RGS6: variants seen among roughly 807,000 people sequenced by gnomAD.
RGS6 encodes the protein regulator of G-protein signaling 6.
In RGS6, 30 loss-of-function variants were observed where a neutral mutation model predicts 78.5. The observed-to-expected ratio is 0.38, with a 90% CI of 0.29 to 0.52. The LOEUF (loss-of-function observed/expected upper bound fraction) is 0.52. Among genes scored for constraint, RGS6 ranks in the 20% least tolerant of loss-of-function variants. The probability of loss-of-function intolerance (pLI) is 0.85; values close to 1 mark genes in which losing one functional copy is unlikely to be tolerated. For missense variants in RGS6, 495 were observed against 609.7 expected (o/e 0.81, Z 1.98); for synonymous variants, 206 against 206.0 (o/e 1.00, Z 0.00).
intron 2 of RGS6, among the ~76,000 whole-genome samples, chr14:72,040,510 GACTT>G (rs2092300273): frequency 1.3e-5 from 2 of 151,902 alleles, no homozygotes; most frequent in Admixed American, 6.6e-5. Flanking sequence ...TGTACATGAT[GACTT>G]ACTTTTCTCT....
the RGS6 span, among the ~76,000 whole-genome samples, chr14:71,870,914 G>A: frequency 2.0e-5 from 3 of 152,212 alleles, no homozygotes; most frequent in Non-Finnish European, 4.4e-5. Context: ...GGTGTGCAGA[G>A]GCTTGGAACT....
At chr14:72,561,020 G>A (rs780779438) in intron 17 of RGS6, among the ~76,000 whole-genome samples, 1 of 151,640 alleles carries the variant, frequency 6.6e-6, no homozygotes, top group Non-Finnish European at 1.5e-5. Flanking sequence ...AAGTCAGGCT[G>A]GCCATGCCTC....
chr14:72,332,968 C>G (rs2075348262), intron 2 of RGS6, among the ~76,000 whole-genome samples: 1 of 152,176 alleles, frequency 6.6e-6, no homozygotes, highest in Non-Finnish European at 1.5e-5. Flanking sequence ...GGTTATATAG[C>G]TAGTCAGGGG....
chr14:72,521,841 A>G (rs887629412), intron 15 of RGS6, among the ~76,000 whole-genome samples: 3 of 152,222 alleles, frequency 2.0e-5, no homozygotes, highest in Non-Finnish European at 4.4e-5. Flanking sequence ...AGGTGAAAGG[A>G]AGCATGTCAA....
At chr14:72,026,418 A>G (rs1018665211) in intron 2 of RGS6, among the ~76,000 whole-genome samples, 1 of 152,170 alleles carries the variant, frequency 6.6e-6, no homozygotes, top group Non-Finnish European at 1.5e-5. Flanking sequence ...AAAAGAAAAA[A>G]AAAAGTAGCC....
intron 2 of RGS6, among the ~76,000 whole-genome samples, chr14:72,283,711 A>C (rs2061983573): frequency 6.6e-6 from 1 of 152,206 alleles, no homozygotes; most frequent in Non-Finnish European, 1.5e-5. Context: ...ATGGACTAAT[A>C]CAGTAAATTG....
the RGS6 span, among the ~76,000 whole-genome samples, chr14:71,921,216 G>A: frequency 6.6e-6 from 1 of 152,248 alleles, no homozygotes; most frequent in African/African-American, 2.4e-5. Flanking sequence ...GTTAGCAAGG[G>A]TGTGAAGAAA....
chr14:72,282,578 G>A (rs993313693), intron 2 of RGS6, among the ~76,000 whole-genome samples: 3 of 152,134 alleles, frequency 2.0e-5, no homozygotes, highest in Non-Finnish European at 2.9e-5. Context: ...TTAGCTGGTA[G>A]GATGACAGAA....
chr14:72,171,242 C>G (rs973673339), intron 2 of RGS6, among the ~76,000 whole-genome samples: 2 of 151,990 alleles, frequency 1.3e-5, no homozygotes, highest in Non-Finnish European at 1.5e-5. Flanking sequence ...ACACAAGAGG[C>G]ACATGTACAC....
chr14:72,294,064 C>G (rs1285147845), intron 2 of RGS6, among the ~76,000 whole-genome samples: 1 of 152,190 alleles, frequency 6.6e-6, no homozygotes. Flanking sequence ...ACAACCCATG[C>G]TCTGCTTCTC....
chr14:71,897,986 C>G, the RGS6 span, among the ~76,000 whole-genome samples: 1 of 151,246 alleles, frequency 6.6e-6, no homozygotes, highest in Admixed American at 6.6e-5. Flanking sequence ...TTTCACTGGA[C>G]AAGCCTGTTT....
chr14:71,948,534 C>T (rs538167568), intron 1 of RGS6, among the ~76,000 whole-genome samples: 1 of 152,270 alleles, frequency 6.6e-6, no homozygotes, highest in South Asian at 2.1e-4. Context: ...TACAGTTCTA[C>T]TGAAGTATAA....
upstream of RGS6, among the ~76,000 whole-genome samples, chr14:71,928,165 A>G (rs2087746306): frequency 6.6e-6 from 1 of 151,690 alleles, no homozygotes; most frequent in Admixed American, 6.6e-5. Flanking sequence ...GTTGTTCAAG[A>G]CTCTTTATTG....
intron 2 of RGS6, among the ~76,000 whole-genome samples, chr14:72,133,018 T>A (rs1275969100): frequency 2.0e-5 from 3 of 152,188 alleles, no homozygotes; most frequent in Non-Finnish European, 4.4e-5. Context: ...TACAACGTGA[T>A]TGAATTTAAA....
intron 2 of RGS6, among the ~76,000 whole-genome samples, chr14:72,318,072 C>T (rs893098113): frequency 2.7e-4 from 41 of 152,186 alleles, no homozygotes; most frequent in Non-Finnish European, 4.3e-4. Flanking sequence ...CCCCAACACC[C>T]CATTTTACAC....
upstream of RGS6, among the ~76,000 whole-genome samples, chr14:71,928,938 T>A (rs931049431): frequency 3.3e-5 from 5 of 152,236 alleles, no homozygotes; most frequent in Admixed American, 2.0e-4. Context: ...AAGACAATTT[T>A]TTTAATTTGG....
chr14:72,493,907 A>G (rs2096610763), intron 12 of RGS6, among the ~76,000 whole-genome samples: 1 of 152,214 alleles, frequency 6.6e-6, no homozygotes, highest in African/African-American at 2.4e-5. Flanking sequence ...TGCATCCTTT[A>G]TTACGAAACT....
chr14:71,923,519 G>A, the RGS6 span, among the ~76,000 whole-genome samples: 1 of 152,160 alleles, frequency 6.6e-6, no homozygotes, highest in African/African-American at 2.4e-5. Flanking sequence ...CCAGGAGTTT[G>A]AGTCCAGCCT....
chr14:72,559,564 G>T (rs1230588607), intron 17 of RGS6, among the ~76,000 whole-genome samples: 1 of 152,180 alleles, frequency 6.6e-6, no homozygotes, highest in Admixed American at 6.5e-5. Flanking sequence ...CAGCAAGCTG[G>T]CATTTGGTAA....
Sources: allele counts gnomAD v4.1 joint callset (sites outside exome capture counted in the v4.1 genomes callset), GRCh38; gene constraint gnomAD v4.1.1; transcripts MANE v1.5; gene names NCBI Gene and HGNC (gene_info 2026-07-23, HGNC 2026-07-21).